Variants in COX17 observed in about 807,000 individuals in gnomAD.
COX17 encodes the protein cytochrome c oxidase copper chaperone.
COX17 carries 1 observed loss-of-function variant against 6.3 expected under a neutral mutation model. That is an observed-to-expected ratio of 0.16 (90% CI 0.06 to 0.75). COX17 has a LOEUF of 0.75. Ranked by LOEUF, COX17 falls within the 30% of genes least tolerant of loss-of-function variation. COX17 has a pLI of 0.77. For missense variants in COX17, 73 were observed against 81.2 expected, an observed-to-expected ratio of 0.90 and a Z score of 0.39; for synonymous variants, 26 against 30.5, an observed-to-expected ratio of 0.85 and a Z score of 0.49.
downstream of COX17, among the ~76,000 whole-genome samples, chr3:119,667,412 C>A (rs542445540): frequency 1.0e-3 from 153 of 152,202 alleles, no homozygotes; most frequent in Non-Finnish European, 1.6e-3. Context: ...AGTTCCCTTA[C>A]AAATCAGGCA....
chr3:119,670,776 G>A (rs915484111), intron 2 of COX17, among the ~76,000 whole-genome samples: 1 of 150,990 alleles, frequency 6.6e-6, no homozygotes, highest in Non-Finnish European at 1.5e-5. Flanking sequence ...GTGTGTGTGT[G>A]TGTGTGTGTG....
chr3:119,667,148 G>C (rs185989978), downstream of COX17, among the ~76,000 whole-genome samples: 1 of 152,184 alleles, frequency 6.6e-6, no homozygotes, highest in African/African-American at 2.4e-5. Context: ...AGAGAGAATA[G>C]TGTGAATATA....
chr3:119,666,262 C>T (rs2052991317), downstream of COX17, among the ~76,000 whole-genome samples: 2 of 152,194 alleles, frequency 1.3e-5, no homozygotes, highest in Admixed American at 1.3e-4. Flanking sequence ...GACTAAGAGT[C>T]CATGCCCAGG....
At chr3:119,666,555 A>C (rs904658583), downstream of COX17, among the ~76,000 whole-genome samples, 4 of 152,220 alleles carry the variant, frequency 2.6e-5, no homozygotes, top group African/African-American at 9.7e-5. Flanking sequence ...GCATAATCAC[A>C]CATGCACTGT....
downstream of COX17, among the ~76,000 whole-genome samples, chr3:119,666,526 C>T (rs538974433): frequency 2.0e-5 from 3 of 152,274 alleles, no homozygotes; most frequent in South Asian, 6.2e-4. Flanking sequence ...TTTTTAATAC[C>T]TAAAGAAATA....
chr3:119,675,262 A>T (rs746928690), intron 1 of COX17, 29 bp from the exon 2 acceptor site: 1 of 1,462,028 alleles, frequency 6.8e-7, no homozygotes, highest in Non-Finnish European at 9.6e-7. Flanking sequence ...TTGTTATCTA[A>T]ATATGCATTA....
chr3:119,676,450 G>A (rs2053100800), intron 1 of COX17, among the ~76,000 whole-genome samples: 1 of 152,208 alleles, frequency 6.6e-6, no homozygotes, highest in Non-Finnish European at 1.5e-5. Context: ...ATCTGAGGAC[G>A]TCCTCTAATG....
At chr3:119,668,520 C>T (rs952343989), downstream of COX17, among the ~76,000 whole-genome samples, 6 of 149,654 alleles carry the variant, frequency 4.0e-5, no homozygotes, top group Non-Finnish European at 7.4e-5. Flanking sequence ...CTGACAATCT[C>T]GTAAGTTAGG....
chr3:119,673,563 G>A (rs1014358710), intron 2 of COX17, among the ~76,000 whole-genome samples: 9 of 152,222 alleles, frequency 5.9e-5, no homozygotes, highest in African/African-American at 2.2e-4. Context: ...CAGATACAGA[G>A]CATTTCCATC....
chr3:119,666,617 A>G (rs2052994618), downstream of COX17, among the ~76,000 whole-genome samples: 1 of 152,188 alleles, frequency 6.6e-6, no homozygotes, highest in South Asian at 2.1e-4. Context: ...TCAACTTTAT[A>G]TTTCTACGGT....
downstream of COX17, among the ~76,000 whole-genome samples, chr3:119,667,581 C>A (rs1477573330): frequency 6.6e-6 from 1 of 151,796 alleles, no homozygotes; most frequent in Non-Finnish European, 1.5e-5. Flanking sequence ...CTGGCCCATC[C>A]TTAGCTGAAG....
intron 1 of COX17, chr3:119,676,607 T>C (rs1448951732): frequency 6.9e-6 from 3 of 433,652 alleles, no homozygotes; most frequent in Non-Finnish European, 1.3e-5. Context: ...GGTTGAAGCG[T>C]AACTCTTCAG....
At chr3:119,673,778 T>A (rs78840757) in intron 2 of COX17, among the ~76,000 whole-genome samples, 3,251 of 152,328 alleles carry the variant, frequency 0.021, 44 homozygotes, top group Middle Eastern at 0.071. Flanking sequence ...TGTGGAATTG[T>A]TGGACACATA....
intron 1 of COX17, chr3:119,676,922 G>T: frequency 1.4e-6 from 1 of 698,210 alleles, no homozygotes; most frequent in Non-Finnish European, 2.6e-6. Context: ...ATCGTTTCCC[G>T]GTACTAAGCT....
chr3:119,664,858 G>C (rs1354877307), downstream of COX17, among the ~76,000 whole-genome samples: 1 of 152,114 alleles, frequency 6.6e-6, no homozygotes, highest in African/African-American at 2.4e-5. Context: ...AAAAAAGCTG[G>C]TTCTTCACCA....
chr3:119,673,731 G>GAAGAAAGAGC (rs1484776695), intron 2 of COX17, among the ~76,000 whole-genome samples: 3 of 152,348 alleles, frequency 2.0e-5, no homozygotes, highest in African/African-American at 7.2e-5. Flanking sequence ...GTTGATAACT[G>GAAGAAAGAGC]AAGAAAGAGC....
chr3:119,668,336 C>T (rs892282230), downstream of COX17, among the ~76,000 whole-genome samples: 2 of 152,054 alleles, frequency 1.3e-5, no homozygotes, highest in African/African-American at 4.8e-5. Flanking sequence ...TGGTTCATAC[C>T]TGTCTTAATT....
rs1019285621 is a variant in COX17 at position 119,672,237 on chromosome 3, A to C, written c.*5-2572T>G. 5.9e-5 allele frequency among the ~76,000 whole-genome samples: 9 copies of C among 152,328 alleles called. No homozygotes were observed. The South Asian group carries it at 1.4e-3, about 25-fold the overall frequency. ...GTTAAGGACCTGCCCAAGACCACAC[A>C]ATCAGTTAAGCAGTAGATTTTCTAA... On this transcript the variant is annotated intron_variant, in intron 2 of 2. Transcript: ENST00000261070.
chr3:119,664,234 G>A (rs2052973034), intron 3 of COX17, among the ~76,000 whole-genome samples: 2 of 152,318 alleles, frequency 1.3e-5, no homozygotes, highest in South Asian at 4.1e-4. Flanking sequence ...TAAAATTCAT[G>A]AGGTTGGGGG....
Sources: allele counts gnomAD v4.1 joint callset (sites outside exome capture counted in the v4.1 genomes callset), GRCh38; gene constraint gnomAD v4.1.1; transcripts MANE v1.5; gene names NCBI Gene and HGNC (gene_info 2026-07-23, HGNC 2026-07-21).